SIRPB1: variants seen among roughly 807,000 people sequenced by gnomAD.
SIRPB1 encodes signal regulatory protein beta 1.
SIRPB1 carries 28 observed loss-of-function variants against 34.1 expected under a neutral mutation model. The ratio of observed to expected loss-of-function variants is 0.82; its 90% confidence interval spans 0.61 to 1.12. The LOEUF (loss-of-function observed/expected upper bound fraction) is 1.12, where lower values mean the gene tolerates loss of function less well. SIRPB1 is among the 50% of genes most tolerant of loss of function. The probability of loss-of-function intolerance (pLI) is 0.00; values close to 1 mark genes in which losing one functional copy is unlikely to be tolerated. For synonymous variants in SIRPB1, 211 were observed against 203.8 expected, an observed-to-expected ratio of 1.04 and a Z score of -0.30; for missense variants, 499 against 507.0, an observed-to-expected ratio of 0.98 and a Z score of 0.15.
Position 1,571,803 on chromosome 20 carries a change from G to C in SIRPB1, c.668C>G (p.Ser223Cys). The C allele has an allele frequency of 6.2e-7, 1 of 1,614,262 alleles. No homozygotes were observed. ...RVVLTRGDVH[S>C]QVICEIAHIT... ...GTGGGCTATCTCGCAGATGACTTGA[G>C]AGTGAACGTCCCCACGGGTCAGCAC... Residue 223 changes from serine to cysteine, a missense_variant, in exon 3 of 6, where the codon TCT becomes TGT. Transcript: ENST00000381605.
rs1279018123 is a variant in SIRPB1, at chr20:1,563,649, G to A, written c.*1851C>T. The A allele has an allele frequency of 6.6e-6, 1 of 152,116 alleles. No individual in the cohort carries two copies. Among genetic ancestry groups the A allele is most frequent in the East Asian group, 1.9e-4 (1 of 5,198 alleles). 9.4% of individuals were successfully genotyped at this position (152,116 alleles called of 1,614,324 possible). ...CACAGTTCCACAGGCTTAACAGGAA[G>A]CATGACTGGGAGGCCTCAGGAAACT... On this transcript the variant is annotated 3_prime_UTR_variant, in exon 6 of 6. Transcript: ENST00000381605.
intron 2 of SIRPB1, among the ~76,000 whole-genome samples, chr20:1,573,099 CA>C (rs1198789447): frequency 1.4e-5 from 2 of 144,070 alleles, no homozygotes; most frequent in Non-Finnish European, 3.1e-5. Context: ...CTTTATCTTT[CA>C]GATAAATGCT....
intron 2 of SIRPB1, among the ~76,000 whole-genome samples, chr20:1,576,935 T>C (rs927374549): frequency 1.3e-5 from 2 of 148,664 alleles, no homozygotes; most frequent in African/African-American, 4.9e-5. Context: ...TGCATGATTG[T>C]TGTAGTAGCT....
intron 1 of SIRPB1, 44 bp downstream of exon 1, chr20:1,619,825 C>A (rs777345945): frequency 3.5e-6 from 5 of 1,413,544 alleles, no homozygotes; most frequent in Admixed American, 1.7e-5. Context: ...CAGGCCATGG[C>A]TCAGTGGGCA....
chr20:1,570,637 T>C, intron 4 of SIRPB1, 168 bp downstream of exon 4: 1 of 591,650 alleles, frequency 1.7e-6, no homozygotes, highest in Non-Finnish European at 2.9e-6. Context: ...GGCCAATTGT[T>C]ACCTTGAACC....
Position 1,594,191 on chromosome 20 carries a change from G to A in SIRPB1, c.77-15497C>T, listed in dbSNP as rs569937413. Among the ~76,000 whole-genome samples, 2 of 48,236 alleles carry A rather than the reference G, an allele frequency of 4.1e-5. 1 individual carries two copies. The highest frequency in any genetic ancestry group is 7.9e-5 in the Non-Finnish European group (2 of 25,170). The allele number at this position is 48,236 out of a possible 152,430, so 31.6% of individuals were successfully genotyped here. A position where few individuals can be genotyped will look rare whatever the true frequency, so the allele number is the denominator to read the frequency against. ...GCACTCCAGCCTGGGCAACAAGAGC[G>A]AAACTCCGTCTCAAAAAAACAAACA... On this transcript the variant is annotated intron_variant, in intron 1 of 5. Coordinates refer to ENST00000381605, the MANE Select transcript of SIRPB1 (RefSeq NM_006065.5).
Position 1,581,233 on chromosome 20 carries a change from T to C in SIRPB1, c.77-2539A>G, listed in dbSNP as rs2746606. ...TTCAGGTGGAAATGAAAGGATGCTA[T>C]ATGGCAACTCAAAGTTGTATGAAGA... is the stretch of plus-strand genomic sequence containing the variant. On this transcript the variant is annotated intron_variant, in intron 1 of 5. Coordinates refer to ENST00000381605, the MANE Select transcript of SIRPB1 (RefSeq NM_006065.5). 4.1e-5 allele frequency among the ~76,000 whole-genome samples: 2 copies of C among 48,874 alleles called. 1 individual carries two copies. The highest frequency in any genetic ancestry group is 2.7e-4 in the African/African-American group (2 of 7,354). The allele number at this position is 48,874 out of a possible 152,430, so 32.1% of individuals were successfully genotyped here.
At chr20:1,576,758 G>A (rs1484061726) in intron 2 of SIRPB1, among the ~76,000 whole-genome samples, 1 of 148,370 alleles carries the variant, frequency 6.7e-6, no homozygotes, top group Non-Finnish European at 1.5e-5. Flanking sequence ...TACAAAATTA[G>A]CCAGGCATGG....
In SIRPB1 at chr20:1,585,673, G is replaced by A. The variant is rs1030105165; in HGVS notation, c.77-6979C>T. On this transcript the variant is annotated intron_variant, in intron 1 of 5. Coordinates refer to ENST00000381605, the MANE Select transcript of SIRPB1 (RefSeq NM_006065.5). ...AATGTAAATTAGGCCATCCATTAGC[G>A]AAAACAGTATGGAGTGTCCTCAAAA... Among the ~76,000 whole-genome samples the A allele has an allele frequency of 8.2e-5, 4 of 48,502 alleles. 2 individuals carry two copies. Among genetic ancestry groups the A allele is most frequent in the Admixed American group, 2.8e-4 (2 of 7,262 alleles). The allele number at this position is 48,502 out of a possible 152,430, so 31.8% of individuals were successfully genotyped here.
Position 1,570,803 on chromosome 20 carries a change from A to C in SIRPB1, c.1084+2T>G, listed in dbSNP as rs766714943. On this transcript the variant is annotated splice_donor_variant, in intron 4 of 5. Coordinates refer to ENST00000381605, the MANE Select transcript of SIRPB1 (RefSeq NM_006065.5). LOFTEE classifies it high-confidence loss of function. Reference sequence around the variant, plus strand: ...AAATTTAAAAATGGGAAGTAACCGCACCATGGGTGATATCTGAGCCGTGCT... The same window carrying C: ...AAATTTAAAAATGGGAAGTAACCGCCCCATGGGTGATATCTGAGCCGTGCT... 1.2e-6 allele frequency: 2 copies of C among 1,604,606 alleles called. No homozygotes were observed.
rs770989983 is a variant in SIRPB1, at chr20:1,571,780, G to A, written c.691C>T (p.His231Tyr). Reference sequence around the variant, plus strand: ...AGAGGGTCCCCCTGCAAGGTGATGTGGGCTATCTCGCAGATGACTTGAGAG... The same window carrying A: ...AGAGGGTCCCCCTGCAAGGTGATGTAGGCTATCTCGCAGATGACTTGAGAG... ...VHSQVICEIA[H>Y]ITLQGDPLRG... Residue 231 changes from histidine (H) to tyrosine (Y), a missense_variant, in exon 3 of 6, where the codon CAC becomes TAC. Coordinates refer to ENST00000381605, the MANE Select transcript of SIRPB1 (RefSeq NM_006065.5). 5 of 1,614,116 alleles carry A rather than the reference G, an allele frequency of 3.1e-6. No homozygotes were observed. The African/African-American group carries it at 6.7e-5, about 22-fold the overall frequency.
At position 1,565,071 on chromosome 20, in the gene SIRPB1, T is replaced by C. The variant is rs2091109492; in HGVS notation, c.*429A>G. ...AGAATCATTTTTTTCTTAAAATTGG[T>C]ATAGGGGTTCATGTGTATTCAGGAG... is the stretch of plus-strand genomic sequence containing the variant. On this transcript the variant is annotated 3_prime_UTR_variant, in exon 6 of 6. Transcript: ENST00000381605. The C allele has an allele frequency of 2.5e-6, 1 of 398,306 alleles. No homozygotes were observed. The allele number at this position is 398,306 out of a possible 1,614,324, so 24.7% of individuals were successfully genotyped here. A position where few individuals can be genotyped will look rare whatever the true frequency, so the allele number is the denominator to read the frequency against.
At chr20:1,614,164 C>G (rs1311717323) in intron 1 of SIRPB1, among the ~76,000 whole-genome samples, 1 of 152,118 alleles carries the variant, frequency 6.6e-6, no homozygotes, top group Non-Finnish European at 1.5e-5. Flanking sequence ...CCTTCAAATA[C>G]AAGGGAGAAA....
chr20:1,569,713 A>G (rs115257995), intron 4 of SIRPB1, among the ~76,000 whole-genome samples: 1,858 of 152,340 alleles, frequency 0.012, 47 homozygotes, highest in African/African-American at 0.043. Flanking sequence ...ATTGGGCCCC[A>G]GCCATCATTA....
rs571444349 is a variant in SIRPB1 at position 1,579,419 on chromosome 20, C to A, written c.77-725G>T. Among the ~76,000 whole-genome samples, 23 of 148,094 alleles carry A rather than the reference C, an allele frequency of 1.6e-4. 2 individuals are homozygous for A. Among genetic ancestry groups the A allele is most frequent in the Non-Finnish European group, 2.9e-4 (19 of 66,080 alleles). On this transcript the variant is annotated intron_variant, in intron 1 of 5. Coordinates refer to ENST00000381605, the MANE Select transcript of SIRPB1 (RefSeq NM_006065.5). ...GGTGGGGCCCTGTGACTTCTTTAGACCCTTGAGTTATGAGCAGAATGATGG... is the reference window on the plus strand; with the variant it reads ...GGTGGGGCCCTGTGACTTCTTTAGAACCTTGAGTTATGAGCAGAATGATGG...
chr20:1,571,950 A>C lies in SIRPB1; in HGVS notation c.521T>G (p.Phe174Cys). The C allele has an allele frequency of 6.2e-7, 1 of 1,614,132 alleles. No homozygotes were observed. The highest frequency in any genetic ancestry group is 8.5e-7 in the Non-Finnish European group (1 of 1,180,014). ...TVSFTCESHG[F>C]SPRDITLKWF... is the part of the protein sequence containing the mutation. Reference sequence around the variant, plus strand: ...TTTCAGGGTGATGTCTCTGGGAGAGAAGCCATGGGACTCGCAGGTGAAGCT... The same window carrying C: ...TTTCAGGGTGATGTCTCTGGGAGAGCAGCCATGGGACTCGCAGGTGAAGCT... Residue 174 changes from phenylalanine to cysteine, a missense_variant, in exon 3 of 6, where the codon TTC (phenylalanine) becomes TGC (cysteine). Transcript: ENST00000381605.
intron 5 of SIRPB1, 45 bp downstream of exon 5, chr20:1,566,108 C>G (rs776283513): frequency 7.4e-7 from 1 of 1,343,408 alleles, no homozygotes; most frequent in Non-Finnish European, 1.0e-6. Context: ...CTGGCCTTGC[C>G]TTTCTGGAGG....
At chr20:1,600,765 GCCT>G (rs2122269381) in intron 1 of SIRPB1, among the ~76,000 whole-genome samples, 1 of 48,780 alleles carries the variant, frequency 2.1e-5, no homozygotes, top group East Asian at 5.8e-4. Flanking sequence ...CCTCCAGTTG[GCCT>G]CCTAGCAAAA....
intron 4 of SIRPB1, 127 bp downstream of exon 4, chr20:1,570,678 G>A (rs1410648497): frequency 6.1e-6 from 5 of 816,610 alleles, no homozygotes; most frequent in Non-Finnish European, 9.6e-6. Context: ...TGGAGTGTAG[G>A]ATTTTAATGT....
Sources: allele counts gnomAD v4.1 joint callset (sites outside exome capture counted in the v4.1 genomes callset), GRCh38; gene constraint gnomAD v4.1.1; transcripts MANE v1.5; gene names NCBI Gene and HGNC (gene_info 2026-07-23, HGNC 2026-07-21).